Variants in TMC2 observed in about 807,000 individuals in gnomAD.
TMC2 encodes the protein transmembrane channel like 2.
TMC2 carries 102 observed loss-of-function variants against 105.9 expected under a neutral mutation model. That is an observed-to-expected ratio of 0.96 (90% CI 0.82 to 1.14). The LOEUF is 1.14. Ranked by LOEUF, TMC2 falls within the 50% of genes most tolerant of loss-of-function variation. The probability of loss-of-function intolerance (pLI) is 0.00; values close to 1 mark genes in which losing one functional copy is unlikely to be tolerated. For missense variants in TMC2, 1,093 were observed against 1,134.3 expected (o/e 0.96, Z 0.52); for synonymous variants, 402 against 422.8 (o/e 0.95, Z 0.60).
rs1314328408 is a variant in TMC2, at chr20:2,616,170, G to A, written c.1906G>A (p.Val636Met). Residue 636 changes from valine (V) to methionine (M), a missense_variant, in exon 15 of 20, where the codon GTG becomes ATG. Transcript: ENST00000358864. This position sits in a 1 kb window ranked among gnomAD's most constrained non-coding sequence, Gnocchi z 4.8. ...SYAEFDISGN[V>M]LGLIFNQGMI... ...TGCTGAGTTTGATATTAGTGGAAAT[G>A]TGCTGGGTTTGATCTTCAACCAAGG... 5 of 1,613,606 alleles carry A rather than the reference G, an allele frequency of 3.1e-6. No individual in the cohort carries two copies. The highest frequency in any genetic ancestry group is 4.2e-6 in the Non-Finnish European group (5 of 1,179,672).
Position 2,624,355 on chromosome 20 carries a change from C to T in TMC2, c.2265C>T (p.Leu755=), listed in dbSNP as rs555212967. 1.7e-5 allele frequency: 27 copies of T among 1,614,182 alleles called. No individual in the cohort carries two copies. Among genetic ancestry groups the T allele is most frequent in the East Asian group, 4.5e-5 (2 of 44,886 alleles). ...TCCTGGGCAAGATCTTTGCTTTCCT[C>T]GCCAATCCAGGCCTGATCATCCCAG... ...PTFLGKIFAF[L]ANPGLIIPAI... is the part of the protein sequence containing the mutation. The change falls in exon 17 of 20, where the codon CTC becomes CTT. Residue 755 remains leucine (L), a synonymous_variant. Coordinates refer to ENST00000358864, the MANE Select transcript of TMC2 (RefSeq NM_080751.3).
intron 17 of TMC2, among the ~76,000 whole-genome samples, chr20:2,635,174 G>A (rs561867041): frequency 5.3e-5 from 8 of 152,340 alleles, no homozygotes; most frequent in African/African-American, 1.2e-4. Flanking sequence ...CTTAGGACCT[G>A]TGAAAAGAAA....
intron 10 of TMC2, among the ~76,000 whole-genome samples, chr20:2,600,897 G>A (rs1370277385): frequency 6.8e-6 from 1 of 148,120 alleles, no homozygotes; most frequent in Non-Finnish European, 1.5e-5. Context: ...TGAGGCAGGA[G>A]AATCACTTGA....
intron 11 of TMC2, among the ~76,000 whole-genome samples, chr20:2,607,849 G>A (rs1427936874): frequency 6.6e-6 from 1 of 152,200 alleles, no homozygotes; most frequent in East Asian, 1.9e-4. Context: ...TGATGGCCAG[G>A]TGCAGTGGCT....
chr20:2,557,086 G>A (rs1174240387), intron 2 of TMC2, among the ~76,000 whole-genome samples: 1 of 151,972 alleles, frequency 6.6e-6, no homozygotes, highest in African/African-American at 2.4e-5. Flanking sequence ...CCTGCTTGAT[G>A]TTCTCTGGGC....
intron 2 of TMC2, among the ~76,000 whole-genome samples, chr20:2,539,349 C>T (rs1207003766): frequency 3.9e-5 from 6 of 152,158 alleles, no homozygotes; most frequent in African/African-American, 1.2e-4. Context: ...ATGTGAATTT[C>T]GTTCAGTTGG....
At chr20:2,640,777 A>G (rs1286249806) in intron 19 of TMC2, among the ~76,000 whole-genome samples, 1 of 152,150 alleles carries the variant, frequency 6.6e-6, no homozygotes, top group African/African-American at 2.4e-5. Context: ...TCTGATTCCA[A>G]ACAATTCCCA....
intron 7 of TMC2, among the ~76,000 whole-genome samples, chr20:2,586,456 T>C (rs2086232638): frequency 6.6e-6 from 1 of 152,042 alleles, no homozygotes; most frequent in African/African-American, 2.4e-5. Context: ...AGAAAAGAGG[T>C]TTAATTGGCT....
intron 2 of TMC2, among the ~76,000 whole-genome samples, chr20:2,544,267 T>C (rs1033403533): frequency 1.3e-5 from 2 of 152,084 alleles, no homozygotes; most frequent in African/African-American, 2.4e-5. Flanking sequence ...ATTTGAATGA[T>C]GGCAGCAGTG....
rs960917312 is a variant in TMC2 at position 2,558,623 on chromosome 20, G to C, written c.250G>C (p.Gly84Arg). 1.9e-6 allele frequency: 3 copies of C among 1,563,780 alleles called. No homozygotes were observed. The African/African-American group carries it at 4.1e-5, about 21-fold the overall frequency. The change falls in exon 3 of 20, where the codon GGG (glycine) becomes CGG (arginine). Residue 84 changes from glycine (G) to arginine (R), a missense_variant. Transcript: ENST00000358864. This position sits in a 1 kb window ranked among gnomAD's most constrained non-coding sequence, Gnocchi z 4.6. ...TGRRRHREEL[G>R]EQERGEAERT... ...GCGCAGGAGACACAGAGAAGAGCTGGGGGAGCAGGAGCGGGGCGAGGCAGA... is the reference window on the plus strand; with the variant it reads ...GCGCAGGAGACACAGAGAAGAGCTGCGGGAGCAGGAGCGGGGCGAGGCAGA...
At chr20:2,613,377 GATACTT>G (rs769867423) in intron 14 of TMC2, 55 bp downstream of exon 14, 1,173 of 1,611,290 alleles carry the variant, frequency 7.3e-4, no homozygotes, top group Non-Finnish European at 9.6e-4. Flanking sequence ...TATCTTCTTT[GATACTT>G]ATAGCCAGAT....
chr20:2,597,782 G>A (rs1178444984), intron 10 of TMC2, among the ~76,000 whole-genome samples: 1 of 151,976 alleles, frequency 6.6e-6, no homozygotes, highest in African/African-American at 2.4e-5. Flanking sequence ...ACAGACATGA[G>A]CCACCACGCC....
At chr20:2,572,328 C>G (rs11906105) in intron 5 of TMC2, 59 bp downstream of exon 5, 141,010 of 1,384,514 alleles carry the variant, frequency 0.1, 8,172 homozygotes, top group African/African-American at 0.2. Flanking sequence ...TGGAATCTGG[C>G]GACCAACTTC....
chr20:2,539,196 A>T (rs1217462134), intron 2 of TMC2, among the ~76,000 whole-genome samples: 1 of 152,240 alleles, frequency 6.6e-6, no homozygotes, highest in Admixed American at 6.5e-5. Flanking sequence ...CTAGCAAGAC[A>T]GCTGCCTTTC....
At chr20:2,599,938 G>C (rs1479320541) in intron 10 of TMC2, among the ~76,000 whole-genome samples, 1 of 152,184 alleles carries the variant, frequency 6.6e-6, no homozygotes. Context: ...ACTAGGAAAA[G>C]GGCTTGAGCT....
At chr20:2,538,208 G>A (rs77766947) in intron 2 of TMC2, among the ~76,000 whole-genome samples, 8 of 152,122 alleles carry the variant, frequency 5.3e-5, no homozygotes, top group African/African-American at 1.4e-4. Context: ...CAGTGAGGCC[G>A]CTGTGTTACA....
intron 7 of TMC2, among the ~76,000 whole-genome samples, chr20:2,582,184 G>A (rs1448523330): frequency 1.3e-5 from 2 of 152,176 alleles, no homozygotes; most frequent in South Asian, 2.1e-4. Context: ...TTGATGACAG[G>A]TTGGATAACA....
chr20:2,631,341 G>A (rs1435859777), intron 17 of TMC2, among the ~76,000 whole-genome samples: 1 of 152,152 alleles, frequency 6.6e-6, no homozygotes, highest in Admixed American at 6.5e-5. Flanking sequence ...GTTAACCCAT[G>A]TAGTTACCTT....
At position 2,578,092 on chromosome 20, in the gene TMC2, G is replaced by A. The variant is rs149929886; in HGVS notation, c.646-1054G>A. 1.3e-3 allele frequency among the ~76,000 whole-genome samples: 203 copies of A among 152,030 alleles called. 5 individuals are homozygous for A. The East Asian group carries it at 0.034, about 25-fold the overall frequency. On this transcript the variant is annotated intron_variant, in intron 5 of 19. Transcript: ENST00000358864. Reference sequence around the variant, plus strand: ...TCCCAACACTTTGGGAGGTCGAGGCGGGCAGATCACTTGAGATCAGGAGTT... The same window carrying A: ...TCCCAACACTTTGGGAGGTCGAGGCAGGCAGATCACTTGAGATCAGGAGTT...
Sources: gnomAD v4.1 joint callset for allele counts (sites outside exome capture counted in the v4.1 genomes callset) on GRCh38, gnomAD v4.1.1 for gene constraint, Gnocchi (gnomAD v3.1) non-coding constraint, MANE v1.5 for transcripts, NCBI Gene and HGNC (gene_info 2026-07-23, HGNC 2026-07-21) for gene names.